Variants in SPSB3 observed in about 807,000 individuals in gnomAD.
SPSB3 encodes the protein splA/ryanodine receptor domain and SOCS box containing 3.
A neutral mutation model predicts 29.5 loss-of-function variants in SPSB3; 18 were observed. The ratio of observed to expected loss-of-function variants is 0.61; its 90% CI spans 0.42 to 0.91. SPSB3 has a LOEUF of 0.91. Among genes scored for constraint, SPSB3 ranks in the 40% least tolerant of loss-of-function variants. The pLI is 0.00. For synonymous variants in SPSB3, 299 were observed against 214.1 expected (o/e 1.40, Z -3.46); for missense variants, 540 against 507.5 (o/e 1.06, Z -0.61).
rs1227787633 is a variant in SPSB3 at position 1,778,625 on chromosome 16, G to A, written c.127-13C>T. ...CCGAGTCGCTGTGCTGGGAGAGAAG[G>A]GCCGGCTGTTACTACCTGTTGCCCG... On this transcript the variant is annotated splice_polypyrimidine_tract_variant and intron_variant, in intron 2 of 6. Transcript: ENST00000566339. 3.3e-6 allele frequency: 5 copies of A among 1,534,328 alleles called. No homozygotes were observed. The highest frequency in any genetic ancestry group is 4.4e-6 in the Non-Finnish European group (5 of 1,140,102).
intron 2 of SPSB3, chr16:1,780,039 C>CCCT (rs1264459818): frequency 6.6e-6 from 1 of 152,318 alleles, no homozygotes; most frequent in Non-Finnish European, 1.5e-5. Context: ...AGGAGCCCAC[C>CCCT]CCTCCCAGGA....
In SPSB3 at chr16:1,776,947, G is replaced by A; in HGVS notation, c.*150C>T. Reference sequence around the variant, plus strand: ...CCCTAGAGCCCCCACAGAAAGGACTGTCCCAGCCTCGGGAGCAAGAGATGG... The same window carrying A: ...CCCTAGAGCCCCCACAGAAAGGACTATCCCAGCCTCGGGAGCAAGAGATGG... On this transcript the variant is annotated 3_prime_UTR_variant, in exon 7 of 7. Transcript: ENST00000566339. The A allele has an allele frequency of 1.1e-6, 1 of 901,408 alleles. No individual in the cohort carries two copies. Among genetic ancestry groups the A allele is most frequent in the Middle Eastern group, 2.6e-4 (1 of 3,898 alleles). 55.8% of individuals were successfully genotyped at this position (901,408 alleles called of 1,614,324 possible). A position where few individuals can be genotyped will look rare whatever the true frequency, so the allele number is the denominator to read the frequency against.
At chr16:1,780,014 C>T (rs1391932514) in intron 2 of SPSB3, 1 of 152,332 alleles carries the variant, frequency 6.6e-6, no homozygotes, top group Non-Finnish European at 1.5e-5. Flanking sequence ...CTTAGGGAGT[C>T]CTCACTCAGA....
At position 1,781,739 on chromosome 16, in the gene SPSB3, C is replaced by T. The variant is rs34829070; in HGVS notation, c.-12-244G>A. 1,186 of 538,020 alleles carry T rather than the reference C, an allele frequency of 2.2e-3. 7 individuals carry two copies. Among genetic ancestry groups the T allele is most frequent in the African/African-American group, 0.021 (1,099 of 52,638 alleles). 33.3% of individuals were successfully genotyped at this position (538,020 alleles called of 1,614,324 possible). A position where few individuals can be genotyped will look rare whatever the true frequency, so the allele number is the denominator to read the frequency against. ...ATGACTCCGGAATGCGAATCCCAGC[C>T]CCTCTCTCCGGTTCCACCTCACGAA... On this transcript the variant is annotated intron_variant, in intron 1 of 6. Transcript: ENST00000566339.
At position 1,781,502 on chromosome 16, in the gene SPSB3, G is replaced by A. The variant is rs778226684; in HGVS notation, c.-12-7C>T. 4 of 1,610,328 alleles carry A rather than the reference G, an allele frequency of 2.5e-6. No individual in the cohort carries two copies. In the Admixed American group the frequency reaches 6.7e-5, roughly 27 times the overall value. On this transcript the variant is annotated splice_polypyrimidine_tract_variant and splice_region_variant and intron_variant, in intron 1 of 6. Coordinates refer to ENST00000566339, the MANE Select transcript of SPSB3 (RefSeq NM_080861.4). The stretch of plus-strand genomic sequence containing the variant: ...TGGCCATGGTGGAAAGAATCTAGAA[G>A]AAAACACAGGCTCTGGGCAAAGGAA...
At position 1,777,139 on chromosome 16, in the gene SPSB3, G is replaced by A. The variant is rs141858238; in HGVS notation, c.1026C>T (p.Arg342=). 4.9e-5 allele frequency: 79 copies of A among 1,611,584 alleles called. 1 individual carries two copies. Among genetic ancestry groups the A allele is most frequent in the South Asian group, 4.7e-4 (43 of 91,040 alleles). The change falls in exon 7 of 7, where the codon CGC becomes CGT. Residue 342 remains arginine, a synonymous_variant. Coordinates refer to ENST00000566339, the MANE Select transcript of SPSB3 (RefSeq NM_080861.4). ...GCTTCCTCTGGCAGGGCCGAGGCTC[G>A]CGACTGCTGGGGTGGGCGGAGGTCG... The part of the protein sequence containing the change: ...QAATSAHPSS[R]EPRPCQRKRC...
In SPSB3 at chr16:1,777,299, C is replaced by T. The variant is rs758276202; in HGVS notation, c.866G>A (p.Arg289Gln). 5.0e-6 allele frequency: 8 copies of T among 1,609,922 alleles called. No homozygotes were observed. Among genetic ancestry groups the T allele is most frequent in the Admixed American group, 1.7e-5 (1 of 59,950 alleles). The change falls in exon 7 of 7, where the codon CGG (arginine) becomes CAG (glutamine). Residue 289 changes from arginine to glutamine, a missense_variant. Coordinates refer to ENST00000566339, the MANE Select transcript of SPSB3 (RefSeq NM_080861.4). ...CTCCAGCGTGTCTCCCGAGTCTGGCCGCAGCTGGCGCAGGCGGTGGCAGCA... is the reference window on the plus strand; with the variant it reads ...CTCCAGCGTGTCTCCCGAGTCTGGCTGCAGCTGGCGCAGGCGGTGGCAGCA... Reference protein sequence around the residue: ...YLCCHRLRQLRPDSGDTLEGL... With the variant: ...YLCCHRLRQLQPDSGDTLEGL...
At chr16:1,778,666 C>A in intron 2 of SPSB3, 54 bp from the exon 3 acceptor site, 1 of 1,504,692 alleles carries the variant, frequency 6.6e-7, no homozygotes, top group East Asian at 2.3e-5. Flanking sequence ...TACCCTCTCA[C>A]CCTTGCCCTC....
chr16:1,778,781 C>A, intron 2 of SPSB3, 169 bp from the exon 3 acceptor site: 1 of 665,156 alleles, frequency 1.5e-6, no homozygotes, highest in Non-Finnish European at 2.3e-6. Context: ...TCCCTCCCAA[C>A]GGGCTCCGGC....
intron 2 of SPSB3, chr16:1,779,237 C>T (rs1369640910): frequency 1.3e-5 from 2 of 152,462 alleles, no homozygotes; most frequent in East Asian, 1.9e-4. Context: ...GATTCTTGGC[C>T]TCCTCCCACC....
intron 2 of SPSB3, 195 bp from the exon 3 acceptor site, chr16:1,778,807 A>G (rs1039213961): frequency 1.8e-6 from 1 of 547,906 alleles, no homozygotes; most frequent in Non-Finnish European, 3.0e-6. Context: ...CCCATTCTGC[A>G]TGACCAGGAG....
chr16:1,781,737 G>C, intron 1 of SPSB3: 1 of 535,684 alleles, frequency 1.9e-6, no homozygotes, highest in Non-Finnish European at 3.3e-6. Flanking sequence ...GCGAATCCCA[G>C]CCCCTCTCTC....
At chr16:1,782,447 A>G (rs1896758283) in intron 1 of SPSB3, 55 bp downstream of exon 1, 1 of 152,022 alleles carries the variant, frequency 6.6e-6, no homozygotes, top group African/African-American at 2.4e-5. Context: ...CCGCGCCCGC[A>G]AGGTCAGCGC....
intron 1 of SPSB3, 149 bp downstream of exon 1, chr16:1,782,353 G>C (rs958080633): frequency 6.6e-6 from 1 of 151,874 alleles, no homozygotes; most frequent in African/African-American, 2.4e-5. Context: ...CGCGGGTTCC[G>C]GAGTCGGCGG....
rs1487117374 is a variant in SPSB3, at chr16:1,776,777, T to A, written c.*320A>T. ...AAGTCTATGACGGCGGGGCAGCCGC[T>A]GACAGCATGCAGAGCAAGTTAGGAA... is the stretch of plus-strand genomic sequence containing the variant. On this transcript the variant is annotated 3_prime_UTR_variant, in exon 7 of 7. Transcript: ENST00000566339. 2 of 452,506 alleles carry A rather than the reference T, an allele frequency of 4.4e-6. No individual in the cohort carries two copies. The highest frequency in any genetic ancestry group is 3.9e-5 in the Admixed American group (1 of 25,364). The allele number at this position is 452,506 out of a possible 1,614,324, so 28.0% of individuals were successfully genotyped here. A position where few individuals can be genotyped will look rare whatever the true frequency, so the allele number is the denominator to read the frequency against.
At chr16:1,778,736 G>A (rs902506925) in intron 2 of SPSB3, 124 bp from the exon 3 acceptor site, 4 of 1,117,636 alleles carry the variant, frequency 3.6e-6, no homozygotes, top group East Asian at 2.6e-5. Context: ...CAGGCCTCCA[G>A]GGACTTCACA....
chr16:1,778,362 A>T (rs1429199433), intron 3 of SPSB3, 41 bp from the exon 4 acceptor site: 1 of 1,610,478 alleles, frequency 6.2e-7, no homozygotes. Flanking sequence ...TGAGAGCTCC[A>T]TGGGGCTCTG....
At chr16:1,781,234 G>C in intron 2 of SPSB3, 124 bp downstream of exon 2, 1 of 1,592,278 alleles carries the variant, frequency 6.3e-7, no homozygotes, top group Non-Finnish European at 8.5e-7. Flanking sequence ...GTTTGGACTG[G>C]TCCTCTAGCC....
In SPSB3 at chr16:1,780,999, C is replaced by G. The variant is rs545268772; in HGVS notation, c.126+359G>C. 2.0e-5 allele frequency: 9 copies of G among 449,072 alleles called. No individual in the cohort carries two copies. In the Admixed American group the frequency reaches 2.6e-4, roughly 13 times the overall value. 27.8% of individuals were successfully genotyped at this position (449,072 alleles called of 1,614,324 possible). A position where few individuals can be genotyped will look rare whatever the true frequency, so the allele number is the denominator to read the frequency against. ...CCTCCAGCTTCAGCCTCCCAAAGTGCTAGGATTATAGGTGTGAGCCACAGT... is the reference window on the plus strand; with the variant it reads ...CCTCCAGCTTCAGCCTCCCAAAGTGGTAGGATTATAGGTGTGAGCCACAGT... On this transcript the variant is annotated intron_variant, in intron 2 of 6. Transcript: ENST00000566339.
Sources: allele counts gnomAD v4.1 joint callset, GRCh38; gene constraint gnomAD v4.1.1; transcripts MANE v1.5; gene names NCBI Gene and HGNC (gene_info 2026-07-23, HGNC 2026-07-21).